CPNE4: variants seen among roughly 807,000 people sequenced by gnomAD.
CPNE4 encodes copine-4.
In CPNE4, 25 loss-of-function variants were observed where a neutral mutation model predicts 67.9. The observed-to-expected ratio is 0.37, with a 90% confidence interval of 0.27 to 0.51. The LOEUF (loss-of-function observed/expected upper bound fraction) is 0.51. Ranked by LOEUF, CPNE4 falls within the 20% of genes least tolerant of loss-of-function variation. The pLI is 0.93. For missense variants in CPNE4, 464 were observed against 690.8 expected (o/e 0.67, Z 3.68); for synonymous variants, 242 against 244.9 (o/e 0.99, Z 0.11).
intron 2 of CPNE4, among the ~76,000 whole-genome samples, chr3:131,881,291 T>C (rs1214323712): frequency 2.6e-5 from 4 of 152,218 alleles, no homozygotes; most frequent in South Asian, 2.1e-4. Flanking sequence ...CCCCTTCTTC[T>C]AGATAAGATT....
At chr3:131,618,710 T>C (rs1240309615) in intron 7 of CPNE4, among the ~76,000 whole-genome samples, 2 of 152,184 alleles carry the variant, frequency 1.3e-5, no homozygotes, top group Non-Finnish European at 2.9e-5. Context: ...AGAGAAGGCA[T>C]TTCACAATGC....
intron 1 of CPNE4, among the ~76,000 whole-genome samples, chr3:131,989,202 T>C (rs1003149678): frequency 6.6e-6 from 1 of 152,216 alleles, no homozygotes; most frequent in South Asian, 2.1e-4. Flanking sequence ...CAGACCTGGA[T>C]GCATTATTGC....
At chr3:131,658,689 G>A (rs2080043195) in intron 7 of CPNE4, among the ~76,000 whole-genome samples, 1 of 152,186 alleles carries the variant, frequency 6.6e-6, no homozygotes, top group Admixed American at 6.5e-5. Flanking sequence ...TCCAGCTCCT[G>A]AGAAGGAGGG....
chr3:131,728,714 T>C (rs887098923), intron 2 of CPNE4, among the ~76,000 whole-genome samples: 7 of 151,526 alleles, frequency 4.6e-5, no homozygotes, highest in African/African-American at 1.5e-4. Context: ...ATGGAGACCA[T>C]CCTGGCTAAC....
chr3:132,011,800 G>A (rs562017423), intron 1 of CPNE4, among the ~76,000 whole-genome samples: 2 of 152,238 alleles, frequency 1.3e-5, no homozygotes, highest in South Asian at 2.1e-4. Flanking sequence ...TAAGCAACAG[G>A]AGCCTGTGTC....
chr3:131,825,272 T>C (rs1221397166), intron 2 of CPNE4, among the ~76,000 whole-genome samples: 1 of 151,824 alleles, frequency 6.6e-6, no homozygotes, highest in Non-Finnish European at 1.5e-5. Flanking sequence ...CTGAGGTGGG[T>C]GGATCATGAG....
intron 1 of CPNE4, among the ~76,000 whole-genome samples, chr3:131,938,598 G>A (rs1176340526): frequency 6.6e-6 from 1 of 152,024 alleles, no homozygotes; most frequent in Non-Finnish European, 1.5e-5. Flanking sequence ...AATGCAAAGG[G>A]GAAGCAGGCA....
At chr3:131,976,764 AAATT>A (rs1372566330) in intron 1 of CPNE4, among the ~76,000 whole-genome samples, 1 of 152,198 alleles carries the variant, frequency 6.6e-6, no homozygotes, top group Non-Finnish European at 1.5e-5. Flanking sequence ...ACACTAAAAA[AAATT>A]AATAAGTGAT....
intron 2 of CPNE4, among the ~76,000 whole-genome samples, chr3:131,806,164 G>A (rs1024902914): frequency 6.6e-6 from 1 of 152,202 alleles, no homozygotes; most frequent in Non-Finnish European, 1.5e-5. Flanking sequence ...TAAGGAGAAC[G>A]TTTTTGTTGG....
intron 7 of CPNE4, among the ~76,000 whole-genome samples, chr3:131,596,922 C>A (rs150557416): frequency 1.3e-5 from 2 of 152,298 alleles, no homozygotes; most frequent in Admixed American, 1.3e-4. Context: ...TTGGGAGGAA[C>A]TCTGACTGAT....
At chr3:131,863,855 T>C (rs532837364) in intron 2 of CPNE4, among the ~76,000 whole-genome samples, 1 of 152,380 alleles carries the variant, frequency 6.6e-6, no homozygotes, top group Non-Finnish European at 1.5e-5. Flanking sequence ...CATTTAAGTC[T>C]TTAATCCATC....
upstream of CPNE4, among the ~76,000 whole-genome samples, chr3:132,036,101 C>T (rs1407558096): frequency 1.3e-5 from 2 of 152,162 alleles, no homozygotes; most frequent in African/African-American, 4.8e-5. Context: ...AACAAAGGGA[C>T]AACCTTCTGA....
intron 1 of CPNE4, among the ~76,000 whole-genome samples, chr3:132,032,049 A>G (rs2074247285): frequency 6.6e-6 from 1 of 152,236 alleles, no homozygotes; most frequent in South Asian, 2.1e-4. Flanking sequence ...CCTTTTAATT[A>G]AAACCTCTAA....
intron 2 of CPNE4, among the ~76,000 whole-genome samples, chr3:131,884,065 G>A (rs965057680): frequency 1.3e-5 from 2 of 152,030 alleles, no homozygotes; most frequent in African/African-American, 2.4e-5. Flanking sequence ...ACTTACCATT[G>A]TTTACCAATG....
At chr3:131,580,802 A>C (rs1351057890) in intron 9 of CPNE4, among the ~76,000 whole-genome samples, 1 of 152,184 alleles carries the variant, frequency 6.6e-6, no homozygotes, top group Non-Finnish European at 1.5e-5. Context: ...CTCTGGAAGG[A>C]ATTCGTAAGC....
chr3:131,703,413 T>C (rs150519400), intron 3 of CPNE4, among the ~76,000 whole-genome samples: 2 of 152,286 alleles, frequency 1.3e-5, no homozygotes, highest in South Asian at 2.1e-4. Flanking sequence ...GAAGTTGAAA[T>C]ACTCTTTTTA....
At chr3:131,977,254 G>C (rs377328011) in intron 1 of CPNE4, among the ~76,000 whole-genome samples, 1 of 152,144 alleles carries the variant, frequency 6.6e-6, no homozygotes, top group Non-Finnish European at 1.5e-5. Context: ...CACAGTGAGA[G>C]GGCTCCAAAG....
chr3:131,970,638 C>T (rs2072476654), intron 1 of CPNE4, among the ~76,000 whole-genome samples: 1 of 152,068 alleles, frequency 6.6e-6, no homozygotes, highest in African/African-American at 2.4e-5. Flanking sequence ...TTTCTAGGTC[C>T]TCTAGAGCTA....
chr3:131,756,538 T>C (rs2082753921), intron 2 of CPNE4, among the ~76,000 whole-genome samples: 1 of 152,092 alleles, frequency 6.6e-6, no homozygotes, highest in African/African-American at 2.4e-5. Context: ...TACCTTGGGA[T>C]GGGAAAAATG....
Sources: gnomAD v4.1 joint callset for allele counts (sites outside exome capture counted in the v4.1 genomes callset) on GRCh38, gnomAD v4.1.1 for gene constraint, MANE v1.5 for transcripts, NCBI Gene and HGNC (gene_info 2026-07-23, HGNC 2026-07-21) for gene names.